RYR3: variants seen among roughly 807,000 people sequenced by gnomAD.
RYR3 encodes the protein brain ryanodine receptor-calcium release channel.
Under a neutral mutation model 584.3 loss-of-function variants are expected in RYR3, and 207 were observed. The observed-to-expected ratio is 0.35, with a 90% CI of 0.32 to 0.40. RYR3 has a LOEUF of 0.40. Ranked by LOEUF, RYR3 falls within the 10% of genes least tolerant of loss-of-function variation. The pLI, the probability that RYR3 is intolerant of heterozygous loss-of-function variation, is 1.00. For synonymous variants in RYR3, 2,416 were observed against 2,248.5 expected (o/e 1.07, Z -2.11); for missense variants, 5,616 against 6,089.2 (o/e 0.92, Z 2.59).
chr15:33,355,182 C>CA (rs56127912), intron 1 of RYR3, among the ~76,000 whole-genome samples: 46,863 of 126,008 alleles, frequency 0.37, 8,429 homozygotes, highest in East Asian at 0.43. Flanking sequence ...GAAACTCCCT[C>CA]AAAAAAAAAA....
rs900459107 is a variant in RYR3 at position 33,865,451 on chromosome 15, G to A, written c.*225G>A. ...TGTCAAAATGTCGAAGAAGGAAGGC[G>A]AAGAATCAAGTAATCTCTAGGCAAA... On this transcript the variant is annotated 3_prime_UTR_variant, in exon 104 of 104. Transcript: ENST00000634891. 3.9e-5 allele frequency: 19 copies of A among 487,472 alleles called. No homozygotes were observed. Among genetic ancestry groups the A allele is most frequent in the South Asian group, 9.8e-5 (3 of 30,574 alleles). 30.2% of individuals were successfully genotyped at this position (487,472 alleles called of 1,614,324 possible).
At chr15:33,850,898 G>A (rs1762331659) in intron 94 of RYR3, 1 of 152,026 alleles carries the variant, frequency 6.6e-6, no homozygotes, top group Non-Finnish European at 1.5e-5. Context: ...TGATATTAGT[G>A]ATATTCATTC....
intron 1 of RYR3, among the ~76,000 whole-genome samples, chr15:33,433,946 T>C (rs2045432845): frequency 6.6e-6 from 1 of 152,196 alleles, no homozygotes; most frequent in Admixed American, 6.5e-5. Flanking sequence ...CTTAATCTTT[T>C]TGTGTCTCCT....
chr15:33,728,550 G>A (rs1244684518), intron 46 of RYR3, among the ~76,000 whole-genome samples: 2 of 152,196 alleles, frequency 1.3e-5, no homozygotes, highest in African/African-American at 2.4e-5. Flanking sequence ...GACTAGAAGC[G>A]TGTTGGATTT....
At chr15:33,608,123 G>T (rs570731027) in intron 18 of RYR3, among the ~76,000 whole-genome samples, 1 of 152,244 alleles carries the variant, frequency 6.6e-6, no homozygotes, top group East Asian at 1.9e-4. Context: ...GGATAATAAT[G>T]GTACCTTACA....
chr15:33,743,002 C>G (rs142979354), intron 52 of RYR3, among the ~76,000 whole-genome samples: 118 of 152,294 alleles, frequency 7.7e-4, no homozygotes, highest in African/African-American at 2.7e-3. Flanking sequence ...AGTTTCATTG[C>G]TGTGTCAACC....
intron 2 of RYR3, among the ~76,000 whole-genome samples, chr15:33,493,646 C>G (rs1335690335): frequency 6.6e-6 from 1 of 152,204 alleles, no homozygotes; most frequent in East Asian, 1.9e-4. Flanking sequence ...CATGTGCTGC[C>G]AGGCAGAGGG....
chr15:33,381,053 TTAGTC>T (rs1371347995), intron 1 of RYR3, among the ~76,000 whole-genome samples: 1 of 152,174 alleles, frequency 6.6e-6, no homozygotes, highest in Non-Finnish European at 1.5e-5. Flanking sequence ...TCTCCTATCT[TTAGTC>T]TATTAGATCA....
rs547255232 is a variant in RYR3, at chr15:33,853,030, C to T, written c.13629-15C>T. ...TTAAGAATGAAGAACCAACCTTTTT[C>T]GTTTTGTTTTTCAGATCTTTTCCTA... On this transcript the variant is annotated splice_polypyrimidine_tract_variant and intron_variant, in intron 94 of 103. Transcript: ENST00000634891. 1.2e-5 allele frequency: 19 copies of T among 1,599,740 alleles called. No individual in the cohort carries two copies. Among genetic ancestry groups the T allele is most frequent in the Middle Eastern group, 1.7e-4 (1 of 6,036 alleles).
At chr15:33,496,324 T>A (rs1475666546) in intron 2 of RYR3, among the ~76,000 whole-genome samples, 1 of 152,204 alleles carries the variant, frequency 6.6e-6, no homozygotes, top group Non-Finnish European at 1.5e-5. Flanking sequence ...GTAGACTCTG[T>A]GTCTACACAA....
rs192299475 is a variant in RYR3, at chr15:33,478,147, T to A, written c.171+4609T>A. Among the ~76,000 whole-genome samples the A allele has an allele frequency of 5.3e-3, 811 of 152,094 alleles. 3 individuals carry two copies. The highest frequency in any genetic ancestry group is 7.1e-3 in the Non-Finnish European group (481 of 67,980). ...TGGTTCAACTTTACATCCATACTCA[T>A]AAGACTCTCATAGACCACTTGGCAT... On this transcript the variant is annotated intron_variant, in intron 2 of 103. Transcript: ENST00000634891.
chr15:33,670,625 A>C (rs2063788325), intron 38 of RYR3, 69 bp downstream of exon 38: 1 of 1,448,126 alleles, frequency 6.9e-7, no homozygotes. Context: ...TTTTTTAAAC[A>C]AATACTGTAA....
intron 72 of RYR3, among the ~76,000 whole-genome samples, chr15:33,812,384 A>T (rs1046709309): frequency 6.6e-5 from 10 of 152,206 alleles, no homozygotes; most frequent in Admixed American, 2.0e-4. Context: ...TGTAAATGTA[A>T]ATAAAATTAA....
chr15:33,558,963 G>A (rs2057253737), intron 10 of RYR3, among the ~76,000 whole-genome samples: 2 of 152,156 alleles, frequency 1.3e-5, no homozygotes, highest in Admixed American at 6.5e-5. Context: ...GGCTGGCTAG[G>A]CAGGATAAAT....
intron 8 of RYR3, among the ~76,000 whole-genome samples, chr15:33,547,015 G>A (rs2056295857): frequency 6.6e-6 from 1 of 152,126 alleles, no homozygotes; most frequent in African/African-American, 2.4e-5. Context: ...GAAAGTGGCT[G>A]GATTCAGTAT....
At chr15:33,542,222 A>C (rs1425762557) in intron 7 of RYR3, among the ~76,000 whole-genome samples, 4 of 152,012 alleles carry the variant, frequency 2.6e-5, no homozygotes, top group Non-Finnish European at 2.9e-5. Context: ...TGCTTTCCTG[A>C]CTATGGCCCT....
intron 1 of RYR3, among the ~76,000 whole-genome samples, chr15:33,440,907 G>GT (rs1412805922): frequency 2.6e-5 from 4 of 152,214 alleles, no homozygotes; most frequent in Non-Finnish European, 4.4e-5. Context: ...TCAGACAGCA[G>GT]TGAGAGTATT....
At chr15:33,397,483 T>C (rs1250203195) in intron 1 of RYR3, among the ~76,000 whole-genome samples, 1 of 152,192 alleles carries the variant, frequency 6.6e-6, no homozygotes, top group African/African-American at 2.4e-5. Context: ...TAAACTGGCA[T>C]AGACCAGTGC....
chr15:33,312,826 C>T (rs1351509606), intron 1 of RYR3, among the ~76,000 whole-genome samples: 1 of 152,184 alleles, frequency 6.6e-6, no homozygotes, highest in Non-Finnish European at 1.5e-5. Flanking sequence ...AGCCATCTTC[C>T]CTGACTTTTC....
Sources: allele counts gnomAD v4.1 joint callset (sites outside exome capture counted in the v4.1 genomes callset), GRCh38; gene constraint gnomAD v4.1.1; transcripts MANE v1.5; gene names NCBI Gene and HGNC (gene_info 2026-07-23, HGNC 2026-07-21).